Variants in RFC3 observed in about 807,000 individuals in gnomAD.
The protein encoded by RFC3 is replication factor C subunit 3, also known as A1 38 kDa subunit.
A neutral mutation model predicts 45.1 loss-of-function variants in RFC3; 41 were observed. That is an observed-to-expected ratio of 0.91 (90% confidence interval 0.71 to 1.18). RFC3 has a LOEUF of 1.18. RFC3 is among the 50% of genes most tolerant of loss of function. The pLI is 0.00. For missense variants in RFC3, 423 were observed against 428.1 expected, an observed-to-expected ratio of 0.99 and a Z score of 0.10; for synonymous variants, 149 against 144.0, an observed-to-expected ratio of 1.03 and a Z score of -0.25.
At chr13:33,955,055 C>T (rs779003576) in intron 8 of RFC3, among the ~76,000 whole-genome samples, 14 of 152,120 alleles carry the variant, frequency 9.2e-5, no homozygotes, top group Non-Finnish European at 1.5e-4. Flanking sequence ...TCTACATGGC[C>T]GTGTGTGTGG....
chr13:33,957,022 T>C (rs539572551), intron 8 of RFC3, among the ~76,000 whole-genome samples: 1 of 152,000 alleles, frequency 6.6e-6, no homozygotes, highest in African/African-American at 2.4e-5. Context: ...ATCTATCATC[T>C]ATCTATCCAT....
intron 5 of RFC3, 70 bp from the exon 6 acceptor site, chr13:33,830,649 G>C (rs1028623143): frequency 7.8e-7 from 1 of 1,277,946 alleles, no homozygotes; most frequent in Non-Finnish European, 1.1e-6. Flanking sequence ...GGGTCTAGGA[G>C]GATATCAACA....
exon 9 of RFC3, chr13:33,966,235 A>G: frequency 1.2e-6 from 1 of 823,216 alleles, no homozygotes; most frequent in African/African-American, 1.7e-5. Flanking sequence ...CCTGCTTCAG[A>G]GCTCAAGATT....
intron 8 of RFC3, among the ~76,000 whole-genome samples, chr13:33,954,307 A>G (rs1401317904): frequency 6.6e-6 from 1 of 152,224 alleles, no homozygotes; most frequent in Non-Finnish European, 1.5e-5. Flanking sequence ...AAAGATCACA[A>G]TTCACAAATA....
intron 8 of RFC3, among the ~76,000 whole-genome samples, chr13:33,901,952 T>C (rs1487399165): frequency 6.6e-6 from 1 of 152,074 alleles, no homozygotes; most frequent in Admixed American, 6.6e-5. Context: ...TGATGATTTC[T>C]AGAAGAGAAA....
At chr13:33,925,988 G>A (rs889920728) in intron 8 of RFC3, among the ~76,000 whole-genome samples, 1 of 151,912 alleles carries the variant, frequency 6.6e-6, no homozygotes, top group Non-Finnish European at 1.5e-5. Context: ...ACTGGATTAG[G>A]AAAATGTGGC....
intron 8 of RFC3, among the ~76,000 whole-genome samples, chr13:33,935,758 GA>G (rs1279141977): frequency 6.6e-6 from 1 of 152,116 alleles, no homozygotes; most frequent in African/African-American, 2.4e-5. Context: ...GTGGGAAGAG[GA>G]CACAGCATTA....
At chr13:33,917,542 G>C (rs565456679) in intron 8 of RFC3, among the ~76,000 whole-genome samples, 1 of 152,058 alleles carries the variant, frequency 6.6e-6, no homozygotes, top group Non-Finnish European at 1.5e-5. Context: ...TTCCTTAGTT[G>C]CTCTCTGTAG....
chr13:33,943,139 T>A (rs7990515), intron 8 of RFC3, among the ~76,000 whole-genome samples: 141,250 of 152,270 alleles, frequency 0.93, 66,413 homozygotes, highest in East Asian at 1. Context: ...ACTTTAGCAT[T>A]CATTTTTCAT....
At chr13:33,930,313 C>T (rs1174793184) in intron 8 of RFC3, among the ~76,000 whole-genome samples, 1 of 152,124 alleles carries the variant, frequency 6.6e-6, no homozygotes, top group Admixed American at 6.6e-5. Context: ...GACAGTGCAG[C>T]CTTCAGTCTG....
chr13:33,915,377 T>A (rs2082726525), intron 8 of RFC3, among the ~76,000 whole-genome samples: 1 of 152,176 alleles, frequency 6.6e-6, no homozygotes, highest in African/African-American at 2.4e-5. Flanking sequence ...TTCTATATAT[T>A]TGTCCTATTA....
At chr13:33,929,078 A>C (rs2082835470) in intron 8 of RFC3, among the ~76,000 whole-genome samples, 1 of 152,134 alleles carries the variant, frequency 6.6e-6, no homozygotes, top group Non-Finnish European at 1.5e-5. Context: ...AAAAGGATTT[A>C]AAGGAGGGCT....
chr13:33,963,952 A>C (rs2083072497), intron 8 of RFC3, among the ~76,000 whole-genome samples: 1 of 152,188 alleles, frequency 6.6e-6, no homozygotes, highest in Non-Finnish European at 1.5e-5. Context: ...GGGTGATGAA[A>C]AGAGCCACCT....
chr13:33,934,539 G>T (rs1488124042), intron 8 of RFC3, among the ~76,000 whole-genome samples: 1 of 152,022 alleles, frequency 6.6e-6, no homozygotes, highest in East Asian at 1.9e-4. Context: ...GTTACTACCA[G>T]ATCCTCTGAC....
At chr13:33,899,848 A>G (rs2082628407) in intron 8 of RFC3, among the ~76,000 whole-genome samples, 1 of 152,030 alleles carries the variant, frequency 6.6e-6, no homozygotes, top group African/African-American at 2.4e-5. Flanking sequence ...ATACAAAACC[A>G]ACATACATAA....
chr13:33,870,032 C>G (rs185333185), intron 8 of RFC3, among the ~76,000 whole-genome samples: 3 of 152,320 alleles, frequency 2.0e-5, no homozygotes, highest in African/African-American at 7.2e-5. Flanking sequence ...GGACAAAATA[C>G]CATGAGTGAG....
At chr13:33,826,408 G>A (rs764892067) in intron 4 of RFC3, among the ~76,000 whole-genome samples, 14 of 152,106 alleles carry the variant, frequency 9.2e-5, no homozygotes, top group Admixed American at 2.6e-4. Context: ...TCATTTCTCC[G>A]TGACATTTAC....
chr13:33,931,658 A>G (rs770870094), intron 8 of RFC3, among the ~76,000 whole-genome samples: 1 of 147,492 alleles, frequency 6.8e-6, no homozygotes, highest in East Asian at 2.0e-4. Flanking sequence ...TATAAGGTAC[A>G]TGACCATACA....
intron 8 of RFC3, among the ~76,000 whole-genome samples, chr13:33,907,711 C>T (rs2082679718): frequency 6.6e-6 from 1 of 152,008 alleles, no homozygotes; most frequent in Non-Finnish European, 1.5e-5. Flanking sequence ...ATTTGGCTGT[C>T]TCTAAAGACC....
Sources: allele counts gnomAD v4.1 joint callset (sites outside exome capture counted in the v4.1 genomes callset), GRCh38; gene constraint gnomAD v4.1.1; transcripts MANE v1.5; gene names NCBI Gene and HGNC (gene_info 2026-07-23, HGNC 2026-07-21).